The following FAM135B variants were observed in gnomAD, a reference collection of about 807,000 sequenced individuals.
FAM135B encodes family with sequence similarity 135 member B.
FAM135B carries 43 observed loss-of-function variants against 127.7 expected under a neutral mutation model. The observed-to-expected ratio is 0.34, with a 90% CI of 0.26 to 0.43. The LOEUF (loss-of-function observed/expected upper bound fraction) is 0.43, where lower values mean the gene tolerates loss of function less well. Ranked by LOEUF, FAM135B falls within the 20% of genes least tolerant of loss-of-function variation. The pLI, the probability that FAM135B is intolerant of heterozygous loss-of-function variation, is 1.00. For missense variants in FAM135B, 1,558 were observed against 1,725.6 expected (o/e 0.90, Z 1.72); for synonymous variants, 670 against 665.1 (o/e 1.01, Z -0.11).
At chr8:138,316,935 G>A (rs1242225159) in intron 2 of FAM135B, among the ~76,000 whole-genome samples, 2 of 151,012 alleles carry the variant, frequency 1.3e-5, no homozygotes, top group Non-Finnish European at 2.9e-5. Context: ...AGCCGTGACC[G>A]CACCACTGCA....
intron 3 of FAM135B, among the ~76,000 whole-genome samples, chr8:138,292,549 C>A (rs1369262935): frequency 1.3e-5 from 2 of 152,032 alleles, no homozygotes; most frequent in Non-Finnish European, 2.9e-5. Context: ...ACATACTGCC[C>A]AAAACCATTT....
intron 9 of FAM135B, among the ~76,000 whole-genome samples, chr8:138,184,644 C>T (rs1159248204): frequency 1.3e-5 from 2 of 152,104 alleles, no homozygotes; most frequent in Non-Finnish European, 2.9e-5. Context: ...TGCACTGCTG[C>T]AGAAAAGACC....
rs1017576007 is a variant in FAM135B, at chr8:138,243,568, G to A, written c.543-500C>T. Among the ~76,000 whole-genome samples, 5 of 152,338 alleles carry A rather than the reference G, an allele frequency of 3.3e-5. No homozygotes were observed. The highest frequency in any genetic ancestry group is 1.2e-4 in the African/African-American group (5 of 41,584). On this transcript the variant is annotated intron_variant, in intron 6 of 19. Transcript: ENST00000395297. The surrounding 1 kb of genome is among the most constrained non-coding windows in gnomAD (Gnocchi z 7.5). The stretch of plus-strand genomic sequence containing the variant: ...CGATGTCAAAGACTGTCATAAGCCA[G>A]AAAGCACTCGCTGTGTCAACGCTAA...
chr8:138,493,846 T>G (rs574218417), intron 1 of FAM135B, among the ~76,000 whole-genome samples: 4 of 126,738 alleles, frequency 3.2e-5, no homozygotes, highest in South Asian at 4.7e-4. Context: ...ACTTTATGAA[T>G]GAGGAAACTG....
intron 2 of FAM135B, among the ~76,000 whole-genome samples, chr8:138,363,998 C>A (rs2131193479): frequency 6.6e-6 from 1 of 152,248 alleles, no homozygotes; most frequent in South Asian, 2.1e-4. Flanking sequence ...TTTAATCACA[C>A]ATCCTCGCAC....
chr8:138,271,857 T>A (rs2130680452), intron 3 of FAM135B, among the ~76,000 whole-genome samples: 1 of 152,292 alleles, frequency 6.6e-6, no homozygotes, highest in Middle Eastern at 3.4e-3. Context: ...TGGTCTAAAT[T>A]CTAGATACTT....
chr8:138,335,223 CGGAGAACTCGA>C (rs2131017753), intron 2 of FAM135B, among the ~76,000 whole-genome samples: 1 of 152,262 alleles, frequency 6.6e-6, no homozygotes, highest in South Asian at 2.1e-4. Context: ...CCATGCCCAT[CGGAGAACTCGA>C]GGGATTTTCA....
intron 7 of FAM135B, among the ~76,000 whole-genome samples, chr8:138,230,014 A>T (rs1234634063): frequency 1.3e-5 from 2 of 152,166 alleles, no homozygotes; most frequent in Non-Finnish European, 2.9e-5. Context: ...GAACCTTCCA[A>T]AGGCACCACA....
At chr8:138,207,064 G>A (rs7462412) in intron 7 of FAM135B, among the ~76,000 whole-genome samples, 109,430 of 152,140 alleles carry the variant, frequency 0.72, 39,566 homozygotes, top group East Asian at 0.82. Context: ...GTCCACATGC[G>A]AAATAAACTC....
chr8:138,368,081 C>G (rs191029972), intron 1 of FAM135B, 79 bp from the exon 2 acceptor site: 35 of 939,250 alleles, frequency 3.7e-5, no homozygotes, highest in East Asian at 2.6e-4. Context: ...AACAGGAAAC[C>G]AATCTGACCA....
chr8:138,300,605 C>A (rs1417032372), intron 3 of FAM135B, among the ~76,000 whole-genome samples: 2 of 152,142 alleles, frequency 1.3e-5, no homozygotes, highest in Admixed American at 1.3e-4. Flanking sequence ...AAGACTAAAT[C>A]ATGTAATTAT....
chr8:138,225,466 CAAAAAAACA>C (rs778341470), intron 7 of FAM135B, among the ~76,000 whole-genome samples: 6 of 141,946 alleles, frequency 4.2e-5, no homozygotes, highest in East Asian at 2.0e-4. Flanking sequence ...AAAAAAAAAA[CAAAAAAACA>C]AAAAAAACAA....
intron 7 of FAM135B, among the ~76,000 whole-genome samples, chr8:138,213,211 CCACCTACTGGATAT>C (rs1372270574): frequency 6.6e-6 from 1 of 152,096 alleles, no homozygotes; most frequent in African/African-American, 2.4e-5. Flanking sequence ...GAATGAGATA[CCACCTACTGGATAT>C]GATTGTTGAA....
intron 1 of FAM135B, among the ~76,000 whole-genome samples, chr8:138,408,001 T>C (rs1053195416): frequency 3.9e-5 from 6 of 152,192 alleles, no homozygotes; most frequent in Admixed American, 2.0e-4. Context: ...ATACTATAAA[T>C]AGATGTGCTG....
intron 18 of FAM135B, among the ~76,000 whole-genome samples, chr8:138,138,758 T>TAC (rs1431166723): frequency 6.6e-6 from 1 of 152,234 alleles, no homozygotes; most frequent in Non-Finnish European, 1.5e-5. Flanking sequence ...GAAATGATCT[T>TAC]ACACACACCT....
intron 9 of FAM135B, among the ~76,000 whole-genome samples, chr8:138,191,734 C>A (rs7464841): frequency 6.6e-6 from 1 of 152,168 alleles, no homozygotes; most frequent in East Asian, 1.9e-4. Flanking sequence ...CTTTTTGCCA[C>A]GAAGACAAAA....
intron 7 of FAM135B, among the ~76,000 whole-genome samples, chr8:138,236,224 G>GT (rs1437436068): frequency 6.6e-6 from 1 of 152,168 alleles, no homozygotes; most frequent in African/African-American, 2.4e-5. Context: ...CCCTGCTCTG[G>GT]TGGAGCTTAG....
chr8:138,240,863 T>G (rs2130347233), intron 7 of FAM135B, among the ~76,000 whole-genome samples: 1 of 152,192 alleles, frequency 6.6e-6, no homozygotes, highest in Middle Eastern at 3.4e-3. Context: ...GCTTGGGAGA[T>G]GAGTGTTGAA....
intron 1 of FAM135B, among the ~76,000 whole-genome samples, chr8:138,370,288 T>C (rs1257661260): frequency 6.6e-6 from 1 of 152,098 alleles, no homozygotes; most frequent in Non-Finnish European, 1.5e-5. Flanking sequence ...CATGCTGTTG[T>C]TCAGGATGAA....
Sources: gnomAD v4.1 joint callset for allele counts (sites outside exome capture counted in the v4.1 genomes callset) on GRCh38, gnomAD v4.1.1 for gene constraint, Gnocchi (gnomAD v3.1) non-coding constraint, MANE v1.5 for transcripts, NCBI Gene and HGNC (gene_info 2026-07-23, HGNC 2026-07-21) for gene names.